CACFD1: variants seen among roughly 807,000 people sequenced by gnomAD.
The protein encoded by CACFD1 is calcium channel flower homolog.
Under a neutral mutation model 21.3 loss-of-function variants are expected in CACFD1, and 26 were observed. That is an observed-to-expected ratio of 1.22 (90% CI 0.89 to 1.69). The LOEUF (loss-of-function observed/expected upper bound fraction) is 1.69, where lower values mean the gene tolerates loss of function less well. Among genes scored for constraint, CACFD1 ranks in the 40% most tolerant of loss-of-function variants. The pLI, the probability that CACFD1 is intolerant of heterozygous loss-of-function variation, is 0.00. For missense variants in CACFD1, 265 were observed against 236.2 expected, an observed-to-expected ratio of 1.12 and a Z score of -0.80; for synonymous variants, 121 against 106.6, an observed-to-expected ratio of 1.13 and a Z score of -0.83.
intron 1 of CACFD1, chr9:133,462,366 C>G (rs1366329952): frequency 1.8e-5 from 20 of 1,126,128 alleles, no homozygotes; most frequent in Non-Finnish European, 2.3e-5. Flanking sequence ...AGCAGTGCAA[C>G]GCTTGAGTCC....
In CACFD1 at chr9:133,460,019, C is replaced by T. The variant is rs1269980493; in HGVS notation, c.-48C>T. The T allele has an allele frequency of 1.3e-5, 20 of 1,487,962 alleles. No homozygotes were observed. The highest frequency in any genetic ancestry group is 1.8e-5 in the Non-Finnish European group (20 of 1,119,860). 92.2% of individuals were successfully genotyped at this position (1,487,962 alleles called of 1,614,324 possible). A position where few individuals can be genotyped will look rare whatever the true frequency, so the allele number is the denominator to read the frequency against. On this transcript the variant is annotated 5_prime_UTR_variant, in exon 1 of 5. Coordinates refer to ENST00000316948, the MANE Select transcript of CACFD1 (RefSeq NM_017586.5). The stretch of plus-strand genomic sequence containing the variant: ...AGCGCGCCGGCTCGGACGCGGCCGG[C>T]TACCGAGCCCTTTGTGAGGGCTGTG...
chr9:133,468,337 C>T (rs1554799998), intron 4 of CACFD1: 5 of 1,535,172 alleles, frequency 3.3e-6, no homozygotes, highest in Non-Finnish European at 4.4e-6. Context: ...CTCTCTCCTG[C>T]AGAGCCCAGA....
intron 1 of CACFD1, chr9:133,462,069 CT>C: frequency 3.1e-6 from 4 of 1,299,878 alleles, no homozygotes; most frequent in Non-Finnish European, 4.1e-6. Flanking sequence ...TCCTCCAGCC[CT>C]TTATTGCTAA....
intron 2 of CACFD1, among the ~76,000 whole-genome samples, chr9:133,463,933 G>A (rs1037563931): frequency 6.6e-6 from 1 of 152,226 alleles, no homozygotes; most frequent in African/African-American, 2.4e-5. Flanking sequence ...CTGGGGTGGG[G>A]AAGGCTGTTC....
Position 133,468,555 on chromosome 9 carries a change from C to G in CACFD1, c.429-8C>G. ...GCTCCACGTGACGCTGCCTCTCTCT[C>G]TCCCCAGGGGCGATGCGATCTCCTA... On this transcript the variant is annotated splice_polypyrimidine_tract_variant and splice_region_variant and intron_variant, in intron 4 of 4. Coordinates refer to ENST00000316948, the MANE Select transcript of CACFD1 (RefSeq NM_017586.5). 1.3e-6 allele frequency: 2 copies of G among 1,572,504 alleles called. No homozygotes were observed. Among genetic ancestry groups the G allele is most frequent in the Non-Finnish European group, 1.7e-6 (2 of 1,160,770 alleles).
chr9:133,468,575 C>T lies in CACFD1; in HGVS notation c.441C>T (p.Ile147=). Residue 147 remains isoleucine, a synonymous_variant, in exon 5 of 5, where the codon ATC becomes ATT. Transcript: ENST00000316948. The part of the protein sequence containing the change: ...LSALGKKGDA[I]SYARIQQQRQ... ...TCTCTCTCCCCAGGGGCGATGCGAT[C>T]TCCTATGCCAGGATCCAGCAGCAGA... is the stretch of plus-strand genomic sequence containing the variant. 2.5e-6 allele frequency: 4 copies of T among 1,584,952 alleles called. No homozygotes were observed. Among genetic ancestry groups the T allele is most frequent in the Non-Finnish European group, 3.4e-6 (4 of 1,167,534 alleles).
chr9:133,460,213 C>T (rs1843082713), intron 1 of CACFD1, 26 bp downstream of exon 1: 4 of 1,505,496 alleles, frequency 2.7e-6, no homozygotes, highest in East Asian at 5.5e-5. Flanking sequence ...GGGAGAGGGG[C>T]CGGCCCCGCC....
At chr9:133,460,902 C>T (rs1048727241) in intron 1 of CACFD1, among the ~76,000 whole-genome samples, 1 of 152,216 alleles carries the variant, frequency 6.6e-6, no homozygotes, top group African/African-American at 2.4e-5. Context: ...AGTCACAGAC[C>T]CTGACCTTAG....
rs781819776 is a variant in CACFD1, at chr9:133,470,215, G to A, written c.*1562G>A. 2 of 139,674 alleles carry A rather than the reference G, an allele frequency of 1.4e-5. No homozygotes were observed. Among genetic ancestry groups the A allele is most frequent in the Admixed American group, 7.1e-5 (1 of 14,000 alleles). The allele number at this position is 139,674 out of a possible 1,614,324, so 8.7% of individuals were successfully genotyped here. On this transcript the variant is annotated 3_prime_UTR_variant, in exon 5 of 5. Transcript: ENST00000316948. ...TGTGTGTGTGTGTGTGTGTGTGTGT[G>A]TGTGTGTGTGTATGTATATGTGTGT...
intron 3 of CACFD1, among the ~76,000 whole-genome samples, chr9:133,467,081 C>G (rs1588230569): frequency 6.6e-6 from 1 of 152,050 alleles, no homozygotes; most frequent in Non-Finnish European, 1.5e-5. Flanking sequence ...AGAAAAATCT[C>G]ACAACCACAT....
Position 133,468,890 on chromosome 9 carries a change from C to A in CACFD1, c.*237C>A. 1 of 611,880 alleles carries A rather than the reference C, an allele frequency of 1.6e-6. No homozygotes were observed. Among genetic ancestry groups the A allele is most frequent in the Non-Finnish European group, 2.7e-6 (1 of 368,268 alleles). The allele number at this position is 611,880 out of a possible 1,614,324, so 37.9% of individuals were successfully genotyped here. A position where few individuals can be genotyped will look rare whatever the true frequency, so the allele number is the denominator to read the frequency against. ...CCTGCAGCAGCTGTGTGGACACTAC[C>A]CAGCCCTACTCCTCTGCTGGGTGGG... is the stretch of plus-strand genomic sequence containing the variant. On this transcript the variant is annotated 3_prime_UTR_variant, in exon 5 of 5. Transcript: ENST00000316948.
intron 3 of CACFD1, among the ~76,000 whole-genome samples, chr9:133,467,093 T>C (rs1031232663): frequency 6.6e-6 from 1 of 152,242 alleles, no homozygotes; most frequent in African/African-American, 2.4e-5. Context: ...CAACCACATG[T>C]CTACAAGAAT....
intron 1 of CACFD1, 136 bp downstream of exon 1, chr9:133,460,323 C>T (rs1445211903): frequency 4.9e-6 from 4 of 810,614 alleles, no homozygotes; most frequent in African/African-American, 1.8e-5. Flanking sequence ...CCTCCCGGGG[C>T]GGAGGAATGG....
chr9:133,467,696 C>G (rs587682555), intron 3 of CACFD1, among the ~76,000 whole-genome samples: 1 of 152,204 alleles, frequency 6.6e-6, no homozygotes, highest in Non-Finnish European at 1.5e-5. Context: ...CAGACCCCTT[C>G]AAAAATCTGA....
Position 133,470,627 on chromosome 9 carries a change from TGCCTTGCAAGGAAC to T in CACFD1, c.*1976_*1989del, listed in dbSNP as rs1410006873. The T allele has an allele frequency of 1.3e-5, 2 of 152,406 alleles. No homozygotes were observed. The highest frequency in any genetic ancestry group is 4.8e-5 in the African/African-American group (2 of 41,472). The allele number at this position is 152,406 out of a possible 1,614,324, so 9.4% of individuals were successfully genotyped here. On this transcript the variant is annotated 3_prime_UTR_variant, in exon 5 of 5. Coordinates refer to ENST00000316948, the MANE Select transcript of CACFD1 (RefSeq NM_017586.5). The stretch of plus-strand genomic sequence containing the variant: ...GGGGCGTGCTGTCCAGCAGGGGCCC[TGCCTTGCAAGGAAC>T]GTCTCTTCCGGCGGCTGGGCCGCTC...
At chr9:133,467,664 T>C (rs1843491513) in intron 3 of CACFD1, among the ~76,000 whole-genome samples, 1 of 152,224 alleles carries the variant, frequency 6.6e-6, no homozygotes, top group African/African-American at 2.4e-5. Flanking sequence ...ATCTCGTTAC[T>C]GTTTAGCTCT....
At chr9:133,464,625 GCTAA>G (rs1226653052) in intron 2 of CACFD1, among the ~76,000 whole-genome samples, 1 of 152,194 alleles carries the variant, frequency 6.6e-6, no homozygotes, top group Non-Finnish European at 1.5e-5. Flanking sequence ...CTCAGTGTCT[GCTAA>G]CTGATTGTTA....
rs1337430663 is a variant in CACFD1 at position 133,468,329 on chromosome 9, C to G, written c.429-234C>G. On this transcript the variant is annotated intron_variant, in intron 4 of 4. Coordinates refer to ENST00000316948, the MANE Select transcript of CACFD1 (RefSeq NM_017586.5). The stretch of plus-strand genomic sequence containing the variant: ...GGGCATTGTACTCAGTTGCCACCCT[C>G]TCTCCTGCAGAGCCCAGACTGAGGC... The G allele has an allele frequency of 1.3e-6, 2 of 1,534,264 alleles. No individual in the cohort carries two copies. The highest frequency in any genetic ancestry group is 1.7e-6 in the Non-Finnish European group (2 of 1,146,152).
rs587677414 is a variant in CACFD1 at position 133,468,702 on chromosome 9, G to A, written c.*49G>A. ...TGTCCCCTCTTCTGGCTCTGTGTGG[G>A]TCCAAGTGAGGCCTGGACTGTCCAC... On this transcript the variant is annotated 3_prime_UTR_variant, in exon 5 of 5. Transcript: ENST00000316948. 75 of 1,526,628 alleles carry A rather than the reference G, an allele frequency of 4.9e-5. No homozygotes were observed. The African/African-American group carries it at 6.0e-4, about 12-fold the overall frequency. 94.6% of individuals were successfully genotyped at this position (1,526,628 alleles called of 1,614,324 possible).
Sources: gnomAD v4.1 joint callset for allele counts (sites outside exome capture counted in the v4.1 genomes callset) on GRCh38, gnomAD v4.1.1 for gene constraint, MANE v1.5 for transcripts, NCBI Gene and HGNC (gene_info 2026-07-23, HGNC 2026-07-21) for gene names.